Variants in EIF4G3 observed in about 807,000 individuals in gnomAD.
The protein encoded by EIF4G3 is eIF-4-gamma 3.
EIF4G3 carries 34 observed loss-of-function variants against 186.4 expected under a neutral mutation model. The observed-to-expected ratio is 0.18, with a 90% CI of 0.14 to 0.24. The LOEUF is 0.24. EIF4G3 is among the 10% of genes least tolerant of loss of function. EIF4G3 has a pLI of 1.00. For synonymous variants in EIF4G3, 673 were observed against 679.5 expected (o/e 0.99, Z 0.15); for missense variants, 1,536 against 1,948.5 (o/e 0.79, Z 3.99).
intron 16 of EIF4G3, among the ~76,000 whole-genome samples, chr1:20,897,170 C>T (rs1009393080): frequency 6.6e-6 from 1 of 152,124 alleles, no homozygotes; most frequent in Non-Finnish European, 1.5e-5. Context: ...ATCACTTGTT[C>T]TTTCATCCCT....
At chr1:21,003,318 T>A (rs1011685158) in intron 4 of EIF4G3, among the ~76,000 whole-genome samples, 6 of 151,894 alleles carry the variant, frequency 4.0e-5, no homozygotes, top group Admixed American at 3.9e-4. Context: ...AGTCTTGATA[T>A]TTGCCCAAGC....
chr1:20,808,675 CGTCTCAAAAAAGAACAA>C (rs2058626898), intron 36 of EIF4G3, among the ~76,000 whole-genome samples: 1 of 151,710 alleles, frequency 6.6e-6, no homozygotes, highest in East Asian at 1.9e-4. Flanking sequence ...AGCGAGAGTC[CGTCTCAAAAAAGAACAA>C]GAGGTGATCA....
In EIF4G3 at chr1:21,156,084, G is replaced by A. The variant is rs910838822; in HGVS notation, c.-272+20091C>T. On this transcript the variant is annotated intron_variant, in intron 2 of 36. Coordinates refer to ENST00000602326, the MANE Select transcript of EIF4G3 (RefSeq NM_001391906.1). ...AGAGGCTGCAGCGAGCTGAGATGGC[G>A]CCATTGCACTCCAGCCTGGGCAACA... Among the ~76,000 whole-genome samples, 6 of 148,626 alleles carry A rather than the reference G, an allele frequency of 4.0e-5. No homozygotes were observed. In the South Asian group the frequency reaches 6.3e-4, roughly 16 times the overall value.
rs1168138620 is a variant in EIF4G3, at chr1:21,176,860, G to A, written c.-594C>T. ...ACTCAACGAGCAGAGCATCCAACATGGCGCTGTGGCCGCCTCCAGCAGTCC... is the reference window on the plus strand; with the variant it reads ...ACTCAACGAGCAGAGCATCCAACATAGCGCTGTGGCCGCCTCCAGCAGTCC... On this transcript the variant is annotated 5_prime_UTR_variant, in exon 1 of 37. Transcript: ENST00000602326. 5.7e-6 allele frequency: 4 copies of A among 700,520 alleles called. No homozygotes were observed. Among genetic ancestry groups the A allele is most frequent in the Non-Finnish European group, 1.0e-5 (4 of 383,552 alleles). 43.4% of individuals were successfully genotyped at this position (700,520 alleles called of 1,614,324 possible). A position where few individuals can be genotyped will look rare whatever the true frequency, so the allele number is the denominator to read the frequency against.
rs1379688468 is a variant in EIF4G3 at position 20,969,496 on chromosome 1, G to A, written c.692C>T (p.Thr231Met). 1.5e-5 allele frequency: 25 copies of A among 1,613,716 alleles called. No individual in the cohort carries two copies. Among genetic ancestry groups the A allele is most frequent in the South Asian group, 6.6e-5 (6 of 91,080 alleles). Residue 231 changes from threonine (T) to methionine (M), a missense_variant, in exon 12 of 37, where the codon ACG (threonine) becomes ATG (methionine). Transcript: ENST00000602326. The stretch of plus-strand genomic sequence containing the variant: ...TACCTGAGGAGGAGTAGGTGTGGAC[G>A]TGGGTCTTCCTATGGGTGGAGTAGG... ...RNPTPPIGRP[T>M]STPTPPQQLP...
Position 20,867,792 on chromosome 1 carries a change from T to A in EIF4G3, c.2623-2530A>T, listed in dbSNP as rs567778939. 2.0e-4 allele frequency among the ~76,000 whole-genome samples: 31 copies of A among 152,274 alleles called. No homozygotes were observed. The South Asian group carries it at 6.2e-3, about 31-fold the overall frequency. On this transcript the variant is annotated intron_variant, in intron 20 of 36. Transcript: ENST00000602326. ...ATGCAAGAGAAACAAAAGTCTGCTA[T>A]CCCAAAATAATGGTCAAGAGGAATT...
intron 4 of EIF4G3, among the ~76,000 whole-genome samples, chr1:21,007,279 T>C (rs1020581191): frequency 4.0e-5 from 6 of 151,874 alleles, no homozygotes; most frequent in African/African-American, 1.5e-4. Flanking sequence ...GCACCTGTAA[T>C]CCCAGCTACT....
intron 34 of EIF4G3, among the ~76,000 whole-genome samples, chr1:20,817,122 C>CTTTTTTGTTTTTTTGTTTTTGTTTTTT: frequency 7.2e-6 from 1 of 139,070 alleles, no homozygotes; most frequent in Non-Finnish European, 1.6e-5. Flanking sequence ...CCGCAGGGTC[C>CTTTTTTGTTTTTTTGTTTTTGTTTTTT]TCTGCCTAGG....
At chr1:20,964,377 T>C (rs375334765) in intron 12 of EIF4G3, among the ~76,000 whole-genome samples, 3 of 152,354 alleles carry the variant, frequency 2.0e-5, no homozygotes, top group East Asian at 3.9e-4. Flanking sequence ...CCTCTGTGCA[T>C]ATACAGGGAT....
intron 2 of EIF4G3, among the ~76,000 whole-genome samples, chr1:21,102,202 C>T (rs114757347): frequency 6.6e-6 from 1 of 152,184 alleles, no homozygotes; most frequent in Non-Finnish European, 1.5e-5. Flanking sequence ...TGTAATCCCA[C>T]CACTTTGGGA....
chr1:21,156,148 A>C (rs1043252956), intron 2 of EIF4G3, among the ~76,000 whole-genome samples: 38 of 151,952 alleles, frequency 2.5e-4, no homozygotes, highest in African/African-American at 3.4e-4. Context: ...AAAACAACAA[A>C]AAAAAACTCA....
chr1:21,069,881 T>C (rs865799645), intron 3 of EIF4G3, among the ~76,000 whole-genome samples: 1 of 152,124 alleles, frequency 6.6e-6, no homozygotes, highest in African/African-American at 2.4e-5. Context: ...TGGGTAAGAA[T>C]GAGATTTTTT....
chr1:20,859,622 T>C (rs564634438), intron 24 of EIF4G3, among the ~76,000 whole-genome samples: 1 of 152,360 alleles, frequency 6.6e-6, no homozygotes, highest in South Asian at 2.1e-4. Context: ...TGTTTTGAGA[T>C]GTAGTCTCAC....
chr1:21,050,795 T>A (rs2094165260), intron 4 of EIF4G3, 71 bp downstream of exon 4: 2 of 670,632 alleles, frequency 3.0e-6, no homozygotes, highest in Non-Finnish European at 5.3e-6. Flanking sequence ...TGCTTAGGAG[T>A]CTCTTTAGAA....
chr1:21,100,790 A>C (rs1451299941), intron 2 of EIF4G3, among the ~76,000 whole-genome samples: 1 of 152,208 alleles, frequency 6.6e-6, no homozygotes, highest in Non-Finnish European at 1.5e-5. Flanking sequence ...TGCAACAGTA[A>C]CAGTAAAACA....
At chr1:20,908,726 A>G (rs551963902) in intron 14 of EIF4G3, among the ~76,000 whole-genome samples, 26 of 152,194 alleles carry the variant, frequency 1.7e-4, no homozygotes, top group Non-Finnish European at 3.2e-4. Context: ...CTATCCCTAT[A>G]CAACCTAAGA....
intron 10 of EIF4G3, 103 bp downstream of exon 10, chr1:20,980,231 A>C: frequency 1.3e-6 from 1 of 772,510 alleles, no homozygotes; most frequent in Non-Finnish European, 2.0e-6. Flanking sequence ...TTATTTAAAA[A>C]TCCTTCTTAC....
chr1:20,969,731 A>C, intron 11 of EIF4G3, 135 bp from the exon 12 acceptor site: 1 of 749,342 alleles, frequency 1.3e-6, no homozygotes, highest in Middle Eastern at 4.1e-4. Flanking sequence ...ATTTGACTTT[A>C]TTTCAATCAC....
chr1:20,928,690 C>T (rs1011323986), intron 14 of EIF4G3, among the ~76,000 whole-genome samples: 5 of 152,164 alleles, frequency 3.3e-5, no homozygotes, highest in Admixed American at 1.3e-4. Flanking sequence ...TGAGCCACCA[C>T]GCCAGGCCCC....
Sources: allele counts gnomAD v4.1 joint callset (sites outside exome capture counted in the v4.1 genomes callset), GRCh38; gene constraint gnomAD v4.1.1; transcripts MANE v1.5; gene names NCBI Gene and HGNC (gene_info 2026-07-23, HGNC 2026-07-21).